The following JAM2 variants were observed in gnomAD, a reference collection of about 807,000 sequenced individuals.
JAM2 encodes the protein junctional adhesion molecule 2, also known as junctional adhesion molecule B.
Under a neutral mutation model 42.0 loss-of-function variants are expected in JAM2, and 17 were observed. The ratio of observed to expected loss-of-function variants is 0.40; its 90% confidence interval spans 0.28 to 0.61. The LOEUF is 0.61. JAM2 is among the 20% of genes least tolerant of loss of function. The pLI is 0.37. For missense variants in JAM2, 319 were observed against 358.3 expected (o/e 0.89, Z 0.89); for synonymous variants, 118 against 128.6 (o/e 0.92, Z 0.56).
chr21:25,684,533 T>A (rs906424275), intron 2 of JAM2, among the ~76,000 whole-genome samples: 1 of 151,708 alleles, frequency 6.6e-6, no homozygotes, highest in Non-Finnish European at 1.5e-5. Context: ...AGTTAAAAAA[T>A]TGTCAAAAGA....
chr21:25,697,927 G>GCA (rs35767783), intron 4 of JAM2, among the ~76,000 whole-genome samples: 14,132 of 146,044 alleles, frequency 0.097, 786 homozygotes, highest in East Asian at 0.29. Context: ...AAATCTATCT[G>GCA]CACACACACA....
intron 4 of JAM2, among the ~76,000 whole-genome samples, chr21:25,698,052 C>A (rs780558510): frequency 6.6e-6 from 1 of 151,898 alleles, no homozygotes; most frequent in Non-Finnish European, 1.5e-5. Context: ...TGGTAATAAA[C>A]CAATTGAAGA....
At chr21:25,656,198 G>T (rs1364095257) in intron 1 of JAM2, among the ~76,000 whole-genome samples, 2 of 152,072 alleles carry the variant, frequency 1.3e-5, no homozygotes, top group Non-Finnish European at 2.9e-5. Flanking sequence ...AAAAAGAGTT[G>T]ATTAAATTCC....
At chr21:25,690,037 A>C (rs1485701301) in intron 3 of JAM2, 64 bp downstream of exon 3, 1 of 984,628 alleles carries the variant, frequency 1.0e-6, no homozygotes, top group African/African-American at 1.6e-5. Flanking sequence ...AGGATCCTTT[A>C]ATTGGCAAAT....
chr21:25,695,811 G>A (rs1303722004), intron 4 of JAM2, among the ~76,000 whole-genome samples: 4 of 146,220 alleles, frequency 2.7e-5, no homozygotes, highest in Non-Finnish European at 4.5e-5. Context: ...GGGCAGAGGC[G>A]CTCCTCACAT....
At chr21:25,659,571 G>C (rs2033025770) in intron 1 of JAM2, among the ~76,000 whole-genome samples, 1 of 152,114 alleles carries the variant, frequency 6.6e-6, no homozygotes. Context: ...TTGAGTCCAA[G>C]ATTTCTAATT....
At chr21:25,646,834 T>G (rs1484717019) in intron 1 of JAM2, among the ~76,000 whole-genome samples, 1 of 152,228 alleles carries the variant, frequency 6.6e-6, no homozygotes, top group Non-Finnish European at 1.5e-5. Context: ...CCTTGTAAAC[T>G]TAACAGACAG....
At chr21:25,677,039 G>C (rs1394512427) in intron 1 of JAM2, among the ~76,000 whole-genome samples, 1 of 152,044 alleles carries the variant, frequency 6.6e-6, no homozygotes, top group Non-Finnish European at 1.5e-5. Flanking sequence ...AATAGAATTA[G>C]AGGAAGAAAG....
At chr21:25,686,449 T>G (rs2033752947) in intron 2 of JAM2, among the ~76,000 whole-genome samples, 2 of 142,098 alleles carry the variant, frequency 1.4e-5, no homozygotes, top group Admixed American at 1.4e-4. Context: ...TGTGTATATG[T>G]GTATGTGTGT....
intron 1 of JAM2, among the ~76,000 whole-genome samples, chr21:25,652,166 G>T (rs75106512): frequency 0.082 from 12,486 of 152,070 alleles, 879 homozygotes; most frequent in African/African-American, 0.19. Flanking sequence ...CAGGAAGATT[G>T]CTTAAGACCA....
At chr21:25,693,342 C>T (rs1353895321) in intron 3 of JAM2, among the ~76,000 whole-genome samples, 1 of 151,810 alleles carries the variant, frequency 6.6e-6, no homozygotes, top group Non-Finnish European at 1.5e-5. Context: ...ACTGCAGCCT[C>T]CGCCTCCTGG....
chr21:25,666,315 T>TTTTTTATTATTATTATTATTA (rs1555862732), intron 1 of JAM2, among the ~76,000 whole-genome samples: 1 of 146,562 alleles, frequency 6.8e-6, no homozygotes, highest in African/African-American at 2.6e-5. Context: ...TGTTACGGCT[T>TTTTTTATTATTATTATTATTA]TTATTATTAT....
At position 25,652,336 on chromosome 21, in the gene JAM2, G is replaced by A. The variant is rs142716077; in HGVS notation, c.67+12448G>A. On this transcript the variant is annotated intron_variant, in intron 1 of 9. Transcript: ENST00000480456. ...GGTCCTGGGAGATCGAGGCTGTGGT[G>A]AGCTGTGATTGTGCTACTGCACTCT... 7.8e-3 allele frequency among the ~76,000 whole-genome samples: 1,187 copies of A among 152,282 alleles called. 18 individuals are homozygous for A. Among genetic ancestry groups the A allele is most frequent in the African/African-American group, 0.026 (1,073 of 41,558 alleles).
intron 1 of JAM2, among the ~76,000 whole-genome samples, chr21:25,675,847 A>G (rs1381503003): frequency 6.6e-6 from 1 of 152,202 alleles, no homozygotes; most frequent in African/African-American, 2.4e-5. Flanking sequence ...TCTAAACCAT[A>G]TCAGTATAAT....
chr21:25,700,889 C>T (rs894328276), intron 5 of JAM2, among the ~76,000 whole-genome samples: 3 of 152,230 alleles, frequency 2.0e-5, no homozygotes, highest in African/African-American at 7.2e-5. Context: ...GGCAGAAAAA[C>T]CTGCTGTCAC....
rs755554874 is a variant in JAM2 at position 25,639,676 on chromosome 21, T to A, written c.-146T>A. ...CGCCCCGGGGAGGGGGAAACTGACATCCCATCTAGAGCCGTCCCTCCTCTT... is the reference window on the plus strand; with the variant it reads ...CGCCCCGGGGAGGGGGAAACTGACAACCCATCTAGAGCCGTCCCTCCTCTT... On this transcript the variant is annotated 5_prime_UTR_variant, in exon 1 of 10. Transcript: ENST00000480456. 3.8e-6 allele frequency: 2 copies of A among 525,976 alleles called. No homozygotes were observed. Among genetic ancestry groups the A allele is most frequent in the South Asian group, 2.5e-5 (1 of 39,938 alleles). The allele number at this position is 525,976 out of a possible 1,614,324, so 32.6% of individuals were successfully genotyped here.
intron 1 of JAM2, among the ~76,000 whole-genome samples, chr21:25,670,130 C>G (rs1051300615): frequency 1.3e-5 from 2 of 152,132 alleles, no homozygotes; most frequent in African/African-American, 2.4e-5. Flanking sequence ...TTTTGCCTAC[C>G]ATATCTGGAC....
At chr21:25,710,325 C>G (rs1173783909) in intron 8 of JAM2, 1 of 152,012 alleles carries the variant, frequency 6.6e-6, no homozygotes, top group Non-Finnish European at 1.5e-5. Context: ...GCCAAAAACC[C>G]CACAAAACTC....
Position 25,708,451 on chromosome 21 carries a change from C to T in JAM2, c.806-983C>T, listed in dbSNP as rs143626599. Among the ~76,000 whole-genome samples the T allele has an allele frequency of 1.4e-3, 220 of 152,224 alleles. 1 individual carries two copies. Among genetic ancestry groups the T allele is most frequent in the Non-Finnish European group, 2.9e-3 (196 of 68,014 alleles). On this transcript the variant is annotated intron_variant, in intron 7 of 9. Transcript: ENST00000480456. ...GGCATCGTTGCACACACCTTTAGTT[C>T]CAGCTACTCAGGAGGCTAAAGTAGG...
Sources: gnomAD v4.1 joint callset for allele counts (sites outside exome capture counted in the v4.1 genomes callset) on GRCh38, gnomAD v4.1.1 for gene constraint, MANE v1.5 for transcripts, NCBI Gene and HGNC (gene_info 2026-07-23, HGNC 2026-07-21) for gene names.